Variants in CNGB3 observed in about 807,000 individuals in gnomAD.
CNGB3 encodes cyclic nucleotide gated channel subunit beta 3.
In CNGB3, 86 loss-of-function variants were observed where a neutral mutation model predicts 92.8. The observed-to-expected ratio is 0.93, with a 90% CI of 0.78 to 1.11. The LOEUF (loss-of-function observed/expected upper bound fraction) is 1.11. Ranked by LOEUF, CNGB3 falls within the 50% of genes least tolerant of loss-of-function variation. CNGB3 has a pLI of 0.00. For synonymous variants in CNGB3, 333 were observed against 332.7 expected (o/e 1.00, Z -0.01); for missense variants, 1,026 against 956.8 (o/e 1.07, Z -0.95).
intron 2 of CNGB3, among the ~76,000 whole-genome samples, chr8:86,730,081 C>T (rs755157940): frequency 6.6e-6 from 1 of 152,168 alleles, no homozygotes; most frequent in East Asian, 1.9e-4. Context: ...GTAGAGTTTG[C>T]TCTCCACACA....
At chr8:86,727,267 G>T (rs1416408372) in intron 2 of CNGB3, among the ~76,000 whole-genome samples, 1 of 152,088 alleles carries the variant, frequency 6.6e-6, no homozygotes, top group Non-Finnish European at 1.5e-5. Flanking sequence ...TATTGACAAA[G>T]CTGAGAATAA....
chr8:86,695,153 C>T (rs1331569134), intron 3 of CNGB3, among the ~76,000 whole-genome samples: 1 of 34,250 alleles, frequency 2.9e-5, no homozygotes, highest in Non-Finnish European at 4.3e-5. Context: ...GAAAACCAGT[C>T]AGGCGTGGCG....
chr8:86,673,506 T>C (rs1823906722), intron 3 of CNGB3, among the ~76,000 whole-genome samples: 1 of 152,114 alleles, frequency 6.6e-6, no homozygotes, highest in East Asian at 1.9e-4. Flanking sequence ...CAGGTTATGA[T>C]GGTCCCATGT....
chr8:86,673,537 CA>C (rs1213523930), intron 3 of CNGB3, among the ~76,000 whole-genome samples: 1 of 152,104 alleles, frequency 6.6e-6, no homozygotes, highest in African/African-American at 2.4e-5. Context: ...GGAGTTTAGA[CA>C]TTAAGCAGTG....
intron 13 of CNGB3, among the ~76,000 whole-genome samples, chr8:86,624,266 A>C (rs1367577943): frequency 6.6e-6 from 1 of 152,160 alleles, no homozygotes; most frequent in Non-Finnish European, 1.5e-5. Flanking sequence ...TAAAAATACA[A>C]AAATTAGCTG....
intron 17 of CNGB3, among the ~76,000 whole-genome samples, chr8:86,577,233 T>G (rs2131530729): frequency 6.6e-6 from 1 of 152,316 alleles, no homozygotes; most frequent in East Asian, 1.9e-4. Flanking sequence ...ACCTGAGTAA[T>G]AGCTTTCTGC....
At chr8:86,711,545 C>T (rs886335460) in intron 3 of CNGB3, among the ~76,000 whole-genome samples, 4 of 152,098 alleles carry the variant, frequency 2.6e-5, no homozygotes, top group Non-Finnish European at 4.4e-5. Context: ...AACAGGCAAC[C>T]GAGCTGTCAT....
At chr8:86,662,071 G>A (rs1823652401) in intron 6 of CNGB3, 2 of 273,784 alleles carry the variant, frequency 7.3e-6, no homozygotes, top group South Asian at 1.8e-4. Flanking sequence ...TCCCCGTGCC[G>A]CCGCCGCCAA....
intron 3 of CNGB3, among the ~76,000 whole-genome samples, chr8:86,712,170 C>T (rs995544816): frequency 6.6e-6 from 1 of 152,060 alleles, no homozygotes; most frequent in East Asian, 1.9e-4. Context: ...ATATCGTTAT[C>T]AACCCCAAAA....
At chr8:86,736,420 A>G (rs1050606291) in intron 2 of CNGB3, among the ~76,000 whole-genome samples, 2 of 152,188 alleles carry the variant, frequency 1.3e-5, no homozygotes, top group Non-Finnish European at 2.9e-5. Flanking sequence ...ATTACCAGCT[A>G]TGAAAAATTT....
At chr8:86,637,203 A>C (rs562491678) in intron 10 of CNGB3, among the ~76,000 whole-genome samples, 1 of 152,260 alleles carries the variant, frequency 6.6e-6, no homozygotes, top group East Asian at 1.9e-4. Context: ...TCCCAGTACA[A>C]TTTATTGGAG....
chr8:86,662,929 TG>T (rs1313835764), intron 6 of CNGB3, among the ~76,000 whole-genome samples: 1 of 152,222 alleles, frequency 6.6e-6, no homozygotes, highest in Non-Finnish European at 1.5e-5. Flanking sequence ...ATTCCCATTT[TG>T]GGGGATGAAA....
intron 17 of CNGB3, among the ~76,000 whole-genome samples, chr8:86,576,560 T>C (rs976106022): frequency 6.6e-6 from 1 of 152,216 alleles, no homozygotes; most frequent in Non-Finnish European, 1.5e-5. Context: ...TCCTCTTGCC[T>C]AAGCTTGTGG....
chr8:86,647,480 A>G (rs775885690), intron 8 of CNGB3, among the ~76,000 whole-genome samples: 71 of 151,164 alleles, frequency 4.7e-4, no homozygotes, highest in Admixed American at 1.3e-3. Flanking sequence ...GACAAATAGA[A>G]AAAAACAAAA....
At chr8:86,710,474 A>C (rs372553533) in intron 3 of CNGB3, among the ~76,000 whole-genome samples, 1 of 152,088 alleles carries the variant, frequency 6.6e-6, no homozygotes, top group Non-Finnish European at 1.5e-5. Context: ...AAGAGGATGA[A>C]GATCTTAAGA....
intron 15 of CNGB3, among the ~76,000 whole-genome samples, chr8:86,579,725 C>T (rs1266543954): frequency 2.0e-5 from 3 of 152,132 alleles, no homozygotes; most frequent in Non-Finnish European, 4.4e-5. Context: ...CATTTATCTC[C>T]CCTGTTATTT....
intron 15 of CNGB3, among the ~76,000 whole-genome samples, chr8:86,587,387 G>A (rs1821920382): frequency 6.6e-6 from 1 of 152,052 alleles, no homozygotes; most frequent in Admixed American, 6.6e-5. Context: ...ATTGCTTTTG[G>A]TGTTTTAGAC....
In CNGB3 at chr8:86,672,132, G is replaced by A. The variant is rs186495129; in HGVS notation, c.339-1034C>T. On this transcript the variant is annotated intron_variant, in intron 3 of 17. Coordinates refer to ENST00000320005, the MANE Select transcript of CNGB3 (RefSeq NM_019098.5). ...TTTGTTTGTTTGGACTGAGTCTCAC[G>A]TTGTCGCCCAGGCTGGAGTGCAGTG... Among the ~76,000 whole-genome samples the A allele has an allele frequency of 2.6e-3, 400 of 152,174 alleles. 1 individual carries two copies. Among genetic ancestry groups the A allele is most frequent in the Non-Finnish European group, 4.0e-3 (275 of 68,006 alleles).
In CNGB3 at chr8:86,686,241, G is replaced by A. The variant is rs185617118; in HGVS notation, c.339-15143C>T. ...TTACACTGAATATTCAATTCAAATA[G>A]CCTAGTTTCTGAAGGGCATAACAGC... On this transcript the variant is annotated intron_variant, in intron 3 of 17. Coordinates refer to ENST00000320005, the MANE Select transcript of CNGB3 (RefSeq NM_019098.5). 1.1e-4 allele frequency among the ~76,000 whole-genome samples: 16 copies of A among 152,126 alleles called. No homozygotes were observed. The East Asian group carries it at 2.9e-3, about 27-fold the overall frequency.
Sources: gnomAD v4.1 joint callset for allele counts (sites outside exome capture counted in the v4.1 genomes callset) on GRCh38, gnomAD v4.1.1 for gene constraint, MANE v1.5 for transcripts, NCBI Gene and HGNC (gene_info 2026-07-23, HGNC 2026-07-21) for gene names.